The following FBXW8 variants were observed in gnomAD, a reference collection of about 807,000 sequenced individuals.
FBXW8 encodes the protein F-box/WD repeat-containing protein 8.
FBXW8 carries 57 observed loss-of-function variants against 65.3 expected under a neutral mutation model. The ratio of observed to expected loss-of-function variants is 0.87; its 90% CI spans 0.71 to 1.09. FBXW8 has a LOEUF of 1.09. FBXW8 is among the 50% of genes least tolerant of loss of function. The pLI, the probability that FBXW8 is intolerant of heterozygous loss-of-function variation, is 0.00. For synonymous variants in FBXW8, 308 were observed against 330.2 expected (o/e 0.93, Z 0.73); for missense variants, 777 against 814.8 (o/e 0.95, Z 0.57).
At position 116,911,202 on chromosome 12, in the gene FBXW8, G is replaced by T; in HGVS notation, c.165G>T (p.Leu55=). ...AACAGGCCTCGGGGGACCCGGCGCT[G>T]GCCCAGCGTCTCCTGGAGGGCGCGG... ...RGEQASGDPA[L]AQRLLEGAGR... Residue 55 remains leucine (L), a synonymous_variant, in exon 1 of 11, where the codon CTG becomes CTT. Coordinates refer to ENST00000652555, the MANE Select transcript of FBXW8 (RefSeq NM_153348.3). 1 of 1,273,628 alleles carries T rather than the reference G, an allele frequency of 7.9e-7. No homozygotes were observed. Among genetic ancestry groups the T allele is most frequent in the Non-Finnish European group, 9.9e-7 (1 of 1,015,192 alleles). The allele number at this position is 1,273,628 out of a possible 1,614,324, so 78.9% of individuals were successfully genotyped here.
rs1883991628 is a variant in FBXW8 at position 116,961,708 on chromosome 12, A to G, written c.678-2989A>G. ...CAGGCTGGTAGGGAGATGAACAGTG[A>G]GATGATCACAGACATGCACCACTGC... On this transcript the variant is annotated intron_variant, in intron 4 of 10. Transcript: ENST00000652555. The surrounding 1 kb of genome is among the most constrained non-coding windows in gnomAD (Gnocchi z 4.4). Among the ~76,000 whole-genome samples the G allele has an allele frequency of 6.6e-6, 1 of 152,186 alleles. No individual in the cohort carries two copies.
intron 6 of FBXW8, among the ~76,000 whole-genome samples, chr12:116,987,537 C>T (rs1191821783): frequency 6.6e-6 from 1 of 152,192 alleles, no homozygotes; most frequent in East Asian, 1.9e-4. Flanking sequence ...TAGAGCCTTC[C>T]TTACCCTCTG....
chr12:116,918,177 T>C (rs1880596731), intron 1 of FBXW8, among the ~76,000 whole-genome samples: 1 of 152,142 alleles, frequency 6.6e-6, no homozygotes, highest in Non-Finnish European at 1.5e-5. Context: ...TGGTCAGAAT[T>C]TCAGAGGCAG....
At position 117,028,569 on chromosome 12, in the gene FBXW8, C is replaced by T. The variant is rs557951388; in HGVS notation, c.*397C>T. On this transcript the variant is annotated 3_prime_UTR_variant, in exon 11 of 11. Transcript: ENST00000652555. This position sits in a 1 kb window ranked among gnomAD's most constrained non-coding sequence, Gnocchi z 4.1. ...CGTCTCCAGCCCCTTACCTCTTTTC[C>T]TCCGAGGGCCTTTGGATGTGCTTGT... 290 of 182,920 alleles carry T rather than the reference C, an allele frequency of 1.6e-3. 1 individual carries two copies. Among genetic ancestry groups the T allele is most frequent in the African/African-American group, 5.5e-3 (240 of 43,366 alleles). 11.3% of individuals were successfully genotyped at this position (182,920 alleles called of 1,614,324 possible). A position where few individuals can be genotyped will look rare whatever the true frequency, so the allele number is the denominator to read the frequency against.
At chr12:117,013,965 T>C (rs941089577) in intron 8 of FBXW8, among the ~76,000 whole-genome samples, 59 of 152,116 alleles carry the variant, frequency 3.9e-4, no homozygotes, top group African/African-American at 1.2e-3. Flanking sequence ...TGTATATTTA[T>C]GTCTTTCACT....
intron 4 of FBXW8, among the ~76,000 whole-genome samples, chr12:116,955,850 G>T (rs1482539624): frequency 6.6e-6 from 1 of 152,178 alleles, no homozygotes; most frequent in Non-Finnish European, 1.5e-5. Context: ...GGTGTCGTTT[G>T]CCATAAGTAG....
chr12:116,997,843 T>A (rs967142281), intron 7 of FBXW8, among the ~76,000 whole-genome samples: 1 of 152,120 alleles, frequency 6.6e-6, no homozygotes, highest in Admixed American at 6.5e-5. Flanking sequence ...AGAGATGGAA[T>A]CTCATTCTAT....
intron 4 of FBXW8, among the ~76,000 whole-genome samples, chr12:116,953,748 G>A (rs1241456401): frequency 1.3e-5 from 2 of 151,392 alleles, no homozygotes; most frequent in East Asian, 1.9e-4. Flanking sequence ...ACTCCAGCCT[G>A]GGCGACAGAG....
At chr12:116,992,437 A>G (rs1006285724) in intron 7 of FBXW8, among the ~76,000 whole-genome samples, 3 of 147,802 alleles carry the variant, frequency 2.0e-5, no homozygotes, top group African/African-American at 7.6e-5. Flanking sequence ...TTTTTTTTTA[A>G]TTCGTTCTAT....
At position 116,985,307 on chromosome 12, in the gene FBXW8, A is replaced by G. The variant is rs1158584587; in HGVS notation, c.937A>G (p.Thr313Ala). 7 of 1,614,114 alleles carry G rather than the reference A, an allele frequency of 4.3e-6. No individual in the cohort carries two copies. The highest frequency in any genetic ancestry group is 5.1e-6 in the Non-Finnish European group (6 of 1,180,048). Residue 313 changes from threonine (T) to alanine (A), a missense_variant, in exon 6 of 11, where the codon ACC (threonine) becomes GCC (alanine). Transcript: ENST00000652555. ...QALALSQDDA[T>A]VATASAFDVV... ...ACTAGCCCTCAGCCAGGACGATGCA[A>G]CCGTGGCCACAGCTTCTGCTTTTGA...
intron 7 of FBXW8, among the ~76,000 whole-genome samples, chr12:116,991,646 G>C (rs565388351): frequency 6.6e-6 from 1 of 152,328 alleles, no homozygotes; most frequent in African/African-American, 2.4e-5. Flanking sequence ...GTTTGTGTCT[G>C]TGCCTCTGGC....
At chr12:117,015,404 C>G (rs1953928765) in intron 8 of FBXW8, among the ~76,000 whole-genome samples, 1 of 152,100 alleles carries the variant, frequency 6.6e-6, no homozygotes, top group South Asian at 2.1e-4. Context: ...TCAGAACGTC[C>G]TCCTTTCTTT....
rs1270339565 is a variant in FBXW8 at position 117,030,803 on chromosome 12, C to G, written c.*2631C>G. ...CGCCAACTTCAGGCAGTGTTTTCTACTGCAAACCTCCACATCCTGGAATCA... is the reference window on the plus strand; with the variant it reads ...CGCCAACTTCAGGCAGTGTTTTCTAGTGCAAACCTCCACATCCTGGAATCA... On this transcript the variant is annotated 3_prime_UTR_variant, in exon 11 of 11. Coordinates refer to ENST00000652555, the MANE Select transcript of FBXW8 (RefSeq NM_153348.3). 1 of 152,218 alleles carries G rather than the reference C, an allele frequency of 6.6e-6. No individual in the cohort carries two copies. Among genetic ancestry groups the G allele is most frequent in the African/African-American group, 2.4e-5 (1 of 41,444 alleles). The allele number at this position is 152,218 out of a possible 1,614,324, so 9.4% of individuals were successfully genotyped here.
At chr12:117,024,036 G>C in intron 8 of FBXW8, 111 bp from the exon 9 acceptor site, 1 of 1,151,774 alleles carries the variant, frequency 8.7e-7, no homozygotes, top group Non-Finnish European at 1.2e-6. Flanking sequence ...CAGCTGAGGA[G>C]TTTTTCATAG....
Position 116,985,316 on chromosome 12 carries a change from A to G in FBXW8, c.946A>G (p.Thr316Ala), listed in dbSNP as rs1422686352. 1.9e-6 allele frequency: 3 copies of G among 1,614,234 alleles called. No individual in the cohort carries two copies. The highest frequency in any genetic ancestry group is 2.5e-6 in the Non-Finnish European group (3 of 1,180,050). ...CAGCCAGGACGATGCAACCGTGGCC[A>G]CAGCTTCTGCTTTTGATGTCGTGAT... ...ALSQDDATVA[T>A]ASAFDVVMLS... Residue 316 changes from threonine (T) to alanine (A), a missense_variant, in exon 6 of 11, where the codon ACA becomes GCA. Coordinates refer to ENST00000652555, the MANE Select transcript of FBXW8 (RefSeq NM_153348.3).
At chr12:116,924,617 G>C (rs905564034) in intron 1 of FBXW8, among the ~76,000 whole-genome samples, 1 of 152,146 alleles carries the variant, frequency 6.6e-6, no homozygotes, top group African/African-American at 2.4e-5. Context: ...CTAGTAGCAA[G>C]TAGTGTTTTT....
At chr12:117,008,095 A>G (rs1350035583) in intron 7 of FBXW8, among the ~76,000 whole-genome samples, 1 of 152,238 alleles carries the variant, frequency 6.6e-6, no homozygotes, top group Non-Finnish European at 1.5e-5. Context: ...TCACTAAGAA[A>G]TAATTTATCC....
chr12:116,987,916 C>T (rs1244608290), intron 6 of FBXW8, among the ~76,000 whole-genome samples: 1 of 152,204 alleles, frequency 6.6e-6, no homozygotes, highest in Non-Finnish European at 1.5e-5. Context: ...TCCACCCCCA[C>T]CTTGTACACA....
At chr12:116,932,299 G>C (rs1247173107) in intron 2 of FBXW8, among the ~76,000 whole-genome samples, 1 of 152,124 alleles carries the variant, frequency 6.6e-6, no homozygotes, top group Non-Finnish European at 1.5e-5. Flanking sequence ...TTCATCCCTG[G>C]ATTCTATACT....
Sources: allele counts gnomAD v4.1 joint callset (sites outside exome capture counted in the v4.1 genomes callset), GRCh38; gene constraint gnomAD v4.1.1; non-coding constraint Gnocchi (gnomAD v3.1); transcripts MANE v1.5; gene names NCBI Gene and HGNC (gene_info 2026-07-23, HGNC 2026-07-21).